PHLPP1: variants seen among roughly 807,000 people sequenced by gnomAD.
The protein encoded by PHLPP1 is PH domain leucine-rich repeat-containing protein phosphatase 1.
In PHLPP1, 42 loss-of-function variants were observed where a neutral mutation model predicts 117.2. The ratio of observed to expected loss-of-function variants is 0.36; its 90% confidence interval spans 0.28 to 0.46. The LOEUF (loss-of-function observed/expected upper bound fraction) is 0.46. Ranked by LOEUF, PHLPP1 falls within the 20% of genes least tolerant of loss-of-function variation. PHLPP1 has a pLI of 1.00. For missense variants in PHLPP1, 2,084 were observed against 2,241.9 expected (o/e 0.93, Z 1.42); for synonymous variants, 1,042 against 970.7 (o/e 1.07, Z -1.37).
At position 62,715,935 on chromosome 18, in the gene PHLPP1, G is replaced by C; in HGVS notation, c.252G>C (p.Pro84=). 2.7e-6 allele frequency: 3 copies of C among 1,121,220 alleles called. No individual in the cohort carries two copies. The highest frequency in any genetic ancestry group is 3.3e-6 in the Non-Finnish European group (3 of 914,198). The allele number at this position is 1,121,220 out of a possible 1,614,324, so 69.5% of individuals were successfully genotyped here. A position where few individuals can be genotyped will look rare whatever the true frequency, so the allele number is the denominator to read the frequency against. ...APGEAPPGPL[P]GRAGGAGRRR... is the part of the protein sequence containing the mutation. Reference sequence around the variant, plus strand: ...GCGAGGCGCCGCCGGGGCCGCTGCCGGGCAGAGCGGGGGGTGCCGGGCGCA... The same window carrying C: ...GCGAGGCGCCGCCGGGGCCGCTGCCCGGCAGAGCGGGGGGTGCCGGGCGCA... Residue 84 remains proline, a synonymous_variant, in exon 1 of 17, where the codon CCG becomes CCC. Coordinates refer to ENST00000262719, the MANE Select transcript of PHLPP1 (RefSeq NM_194449.4).
rs1008974620 is a variant in PHLPP1, at chr18:62,788,852, T to C, written c.1577-41183T>C. 5.9e-5 allele frequency among the ~76,000 whole-genome samples: 9 copies of C among 152,282 alleles called. No individual in the cohort carries two copies. The South Asian group carries it at 1.7e-3, about 28-fold the overall frequency. Reference sequence around the variant, plus strand: ...TATATCTTAGGTTCTTTCATCTCTTTGTATTCTTATGTCTGTTTTTCTGTT... The same window carrying C: ...TATATCTTAGGTTCTTTCATCTCTTCGTATTCTTATGTCTGTTTTTCTGTT... On this transcript the variant is annotated intron_variant, in intron 1 of 16. Coordinates refer to ENST00000262719, the MANE Select transcript of PHLPP1 (RefSeq NM_194449.4).
chr18:62,807,060 GAAGGTATTAATTGGATTTTTTTC>G (rs1469546261), intron 1 of PHLPP1, among the ~76,000 whole-genome samples: 2 of 152,078 alleles, frequency 1.3e-5, no homozygotes, highest in African/African-American at 4.8e-5. Flanking sequence ...AGTGTAAGAT[GAAGGTATTAATTGGATTTTTTTC>G]AAGTCTTTTG....
rs1241125127 is a variant in PHLPP1, at chr18:62,978,681, C to G, written c.4404C>G (p.Ser1468=). ...CCTCAGATGGGCTGGGCGTGCCGTC[C>G]TCCAGCAGCGGCATGGCTTCCGAGA... The part of the protein sequence containing the change: ...DRPSDGLGVP[S]SSSGMASEIS... The change falls in exon 17 of 17, where the codon TCC becomes TCG. Residue 1468 remains serine, a synonymous_variant. Transcript: ENST00000262719. The surrounding 1 kb of genome is among the most constrained non-coding windows in gnomAD (Gnocchi z 7.0). 1.2e-6 allele frequency: 2 copies of G among 1,613,772 alleles called. No homozygotes were observed. The highest frequency in any genetic ancestry group is 4.5e-5 in the East Asian group (2 of 44,870).
intron 10 of PHLPP1, among the ~76,000 whole-genome samples, chr18:62,935,398 TG>T (rs1335594149): frequency 6.6e-6 from 1 of 152,218 alleles, no homozygotes; most frequent in Non-Finnish European, 1.5e-5. Flanking sequence ...CAATATTCCT[TG>T]TTCTTAGATA....
chr18:62,976,739 C>T (rs1034114232), intron 16 of PHLPP1, among the ~76,000 whole-genome samples: 2 of 152,208 alleles, frequency 1.3e-5, no homozygotes, highest in Non-Finnish European at 2.9e-5. Flanking sequence ...TGTGTGGAGT[C>T]AGTCTTTTTT....
At chr18:62,830,005 G>C in intron 1 of PHLPP1, 30 bp from the exon 2 acceptor site, 1 of 1,560,776 alleles carries the variant, frequency 6.4e-7, no homozygotes, top group Non-Finnish European at 8.7e-7. Flanking sequence ...CATTTTAAAA[G>C]AATAACATGT....
rs564538951 is a variant in PHLPP1, at chr18:62,803,829, T to C, written c.1577-26206T>C. ...CACAGCAATATATGAGAGTTCTTAT[T>C]GCTTCACATCCTTGTCAACGTTTGC... is the stretch of plus-strand genomic sequence containing the variant. On this transcript the variant is annotated intron_variant, in intron 1 of 16. Coordinates refer to ENST00000262719, the MANE Select transcript of PHLPP1 (RefSeq NM_194449.4). Among the ~76,000 whole-genome samples the C allele has an allele frequency of 1.4e-3, 212 of 152,366 alleles. 1 individual carries two copies. The highest frequency in any genetic ancestry group is 5.0e-3 in the African/African-American group (207 of 41,590).
At chr18:62,845,784 A>C (rs1054458922) in intron 3 of PHLPP1, among the ~76,000 whole-genome samples, 4 of 152,196 alleles carry the variant, frequency 2.6e-5, no homozygotes, top group African/African-American at 9.7e-5. Flanking sequence ...TAATGATAAG[A>C]AGCTTTGCTA....
In PHLPP1 at chr18:62,912,326, AT is replaced by A. The variant is rs1299559408; in HGVS notation, c.2709-2586del. Among the ~76,000 whole-genome samples, 896 of 146,204 alleles carry A rather than the reference AT, an allele frequency of 6.1e-3. 14 individuals carry two copies. The highest frequency in any genetic ancestry group is 0.021 in the African/African-American group (850 of 40,078). On this transcript the variant is annotated intron_variant, in intron 8 of 16. Transcript: ENST00000262719. ...ATAAAAAAAAAAAATTAAAAAAAAA[AT>A]AATAAAAAACCTGATCCATCAAAAA...
intron 3 of PHLPP1, among the ~76,000 whole-genome samples, chr18:62,849,824 A>ATATATATATATATATATATATATAT (rs1450269021): frequency 1.8e-4 from 8 of 44,772 alleles, no homozygotes; most frequent in African/African-American, 3.7e-4. Flanking sequence ...AAAAAAAAAA[A>ATATATATATATATATATATATATAT]AAAAAAAAAT....
At chr18:62,957,581 A>G (rs890398035) in intron 12 of PHLPP1, among the ~76,000 whole-genome samples, 2 of 149,976 alleles carry the variant, frequency 1.3e-5, no homozygotes, top group African/African-American at 4.9e-5. Flanking sequence ...CTCATTTTAC[A>G]TGTTCTTTTC....
intron 1 of PHLPP1, among the ~76,000 whole-genome samples, chr18:62,774,036 C>A (rs532051203): frequency 6.6e-6 from 1 of 152,124 alleles, no homozygotes; most frequent in Non-Finnish European, 1.5e-5. Flanking sequence ...CTTCTAACAC[C>A]GTCACATTAG....
intron 10 of PHLPP1, among the ~76,000 whole-genome samples, chr18:62,924,046 A>G (rs1050292236): frequency 2.0e-5 from 3 of 152,230 alleles, no homozygotes; most frequent in African/African-American, 7.2e-5. Context: ...AGTTTAAACT[A>G]ACTGCACAAT....
intron 1 of PHLPP1, among the ~76,000 whole-genome samples, chr18:62,721,429 G>GGTGT (rs71340107): frequency 2.1e-3 from 309 of 144,394 alleles, no homozygotes; most frequent in African/African-American, 4.6e-3. Flanking sequence ...GAGGGGTGTG[G>GGTGT]GTGTGTGTGT....
At position 62,978,661 on chromosome 18, in the gene PHLPP1, G is replaced by C; in HGVS notation, c.4384G>C (p.Asp1462His). Residue 1462 changes from aspartate to histidine, a missense_variant, in exon 17 of 17, where the codon GAT becomes CAT. Asp to His is a moderately conservative substitution (Grantham distance 81). Coordinates refer to ENST00000262719, the MANE Select transcript of PHLPP1 (RefSeq NM_194449.4). The surrounding 1 kb of genome is among the most constrained non-coding windows in gnomAD (Gnocchi z 7.0). ...CATGGTGATCAAGGATCGGCCCTCAGATGGGCTGGGCGTGCCGTCCTCCAG... is the reference window on the plus strand; with the variant it reads ...CATGGTGATCAAGGATCGGCCCTCACATGGGCTGGGCGTGCCGTCCTCCAG... Reference protein sequence around the residue: ...VNMVIKDRPSDGLGVPSSSSG... With the variant: ...VNMVIKDRPSHGLGVPSSSSG... 1.9e-6 allele frequency: 3 copies of C among 1,613,920 alleles called. No individual in the cohort carries two copies. The highest frequency in any genetic ancestry group is 2.5e-6 in the Non-Finnish European group (3 of 1,179,884).
At chr18:62,856,719 C>T (rs1050357726) in intron 3 of PHLPP1, among the ~76,000 whole-genome samples, 2 of 152,216 alleles carry the variant, frequency 1.3e-5, no homozygotes, top group African/African-American at 4.8e-5. Flanking sequence ...CAGGCATGAG[C>T]CACCATGCCT....
chr18:62,802,073 G>A (rs1191250781), intron 1 of PHLPP1, among the ~76,000 whole-genome samples: 2 of 152,048 alleles, frequency 1.3e-5, no homozygotes, highest in South Asian at 2.1e-4. Context: ...ATGTGTGTAT[G>A]TGAGCACCCA....
intron 4 of PHLPP1, chr18:62,889,662 G>C (rs1447825246): frequency 6.6e-6 from 1 of 152,304 alleles, no homozygotes. Context: ...ACTGGTGGGA[G>C]GATGAACCCA....
intron 1 of PHLPP1, among the ~76,000 whole-genome samples, chr18:62,754,160 G>A (rs190570434): frequency 2.6e-5 from 4 of 152,318 alleles, no homozygotes; most frequent in African/African-American, 7.2e-5. Flanking sequence ...CCTCTCAGTT[G>A]TGCCTGAATT....
Sources: allele counts gnomAD v4.1 joint callset (sites outside exome capture counted in the v4.1 genomes callset), GRCh38; gene constraint gnomAD v4.1.1; non-coding constraint Gnocchi (gnomAD v3.1); transcripts MANE v1.5; gene names NCBI Gene and HGNC (gene_info 2026-07-23, HGNC 2026-07-21).